C2CD3: variants seen among roughly 807,000 people sequenced by gnomAD.
C2CD3 encodes the protein C2 domain-containing protein 3.
In C2CD3, 148 loss-of-function variants were observed where a neutral mutation model predicts 234.0. The ratio of observed to expected loss-of-function variants is 0.63; its 90% CI spans 0.55 to 0.72. C2CD3 has a LOEUF of 0.72. Among genes scored for constraint, C2CD3 ranks in the 30% least tolerant of loss-of-function variants. C2CD3 has a pLI of 0.00. For missense variants in C2CD3, 2,577 were observed against 2,811.5 expected (o/e 0.92, Z 1.89); for synonymous variants, 1,000 against 1,035.4 (o/e 0.97, Z 0.66).
Position 74,049,522 on chromosome 11 carries a change from A to G in C2CD3, c.5176T>C (p.Phe1726Leu). Reference sequence around the variant, plus strand: ...AGTGGGGAGAGGTCCACCGAGGCAAAGCCAATCACCCTCTCCTCATCTGTA... The same window carrying G: ...AGTGGGGAGAGGTCCACCGAGGCAAGGCCAATCACCCTCTCCTCATCTGTA... ...HKGDEERVIG[F>L]ASVDLSPLLS... Residue 1726 changes from phenylalanine to leucine, a missense_variant, in exon 27 of 33, where the codon TTT (phenylalanine) becomes CTT (leucine). Transcript: ENST00000334126. 2 of 1,612,328 alleles carry G rather than the reference A, an allele frequency of 1.2e-6. No individual in the cohort carries two copies. Among genetic ancestry groups the G allele is most frequent in the South Asian group, 2.2e-5 (2 of 91,002 alleles).
intron 24 of C2CD3, among the ~76,000 whole-genome samples, chr11:74,069,760 G>A (rs1453156640): frequency 6.6e-6 from 1 of 152,036 alleles, no homozygotes; most frequent in Non-Finnish European, 1.5e-5. Context: ...CTCTCCCTTT[G>A]GCCTGGAGTG....
chr11:74,049,065 T>C lies in C2CD3; in HGVS notation c.5361+272A>G, dbSNP rs532050585. On this transcript the variant is annotated intron_variant, in intron 27 of 32. Transcript: ENST00000334126. Reference sequence around the variant, plus strand: ...CAGATTCTATATGACAACCTTGTTTTATTTGGAAACTGCGATATAATTAAT... The same window carrying C: ...CAGATTCTATATGACAACCTTGTTTCATTTGGAAACTGCGATATAATTAAT... Among the ~76,000 whole-genome samples the C allele has an allele frequency of 3.9e-5, 6 of 152,352 alleles. No individual in the cohort carries two copies. The East Asian group carries it at 9.6e-4, about 24-fold the overall frequency.
rs559712648 is a variant in C2CD3 at position 74,019,274 on chromosome 11, C to A, written c.6922-5749G>T. On this transcript the variant is annotated intron_variant, in intron 32 of 32. Coordinates refer to ENST00000334126, the MANE Select transcript of C2CD3 (RefSeq NM_001286577.2). ...CACCTGCCCAGCAGACCTATGAGCC[C>A]CTTCCTAAAAAGTGTCTGCCAACTT... 1.1e-4 allele frequency among the ~76,000 whole-genome samples: 16 copies of A among 152,190 alleles called. No homozygotes were observed. In the South Asian group the frequency reaches 3.3e-3, roughly 32 times the overall value.
intron 24 of C2CD3, among the ~76,000 whole-genome samples, chr11:74,073,363 G>A (rs963955224): frequency 5.9e-5 from 9 of 152,060 alleles, no homozygotes; most frequent in Admixed American, 2.0e-4. Context: ...GAGGTGGGTG[G>A]ATCACTTGCG....
intron 32 of C2CD3, among the ~76,000 whole-genome samples, chr11:74,015,711 C>T (rs892356085): frequency 1.3e-5 from 2 of 152,098 alleles, no homozygotes; most frequent in Non-Finnish European, 2.9e-5. Flanking sequence ...TTTAGAGAGA[C>T]TTAGATGAGT....
At chr11:74,015,666 GT>G (rs1951852707) in intron 32 of C2CD3, among the ~76,000 whole-genome samples, 1 of 152,136 alleles carries the variant, frequency 6.6e-6, no homozygotes, top group African/African-American at 2.4e-5. Context: ...CCAGGCATTT[GT>G]TTCCCCATTT....
In C2CD3 at chr11:74,078,470, C is replaced by T. The variant is rs1036306415; in HGVS notation, c.4248G>A (p.Leu1416=). 1 of 1,614,186 alleles carries T rather than the reference C, an allele frequency of 6.2e-7. No individual in the cohort carries two copies. Among genetic ancestry groups the T allele is most frequent in the South Asian group, 1.1e-5 (1 of 91,076 alleles). The change falls in exon 23 of 33, where the codon CTG becomes CTA. Residue 1416 remains leucine (L), a synonymous_variant. Transcript: ENST00000334126. ...TVTISTPRLW[L]PIHCVLLAGH... is the part of the protein sequence containing the mutation. ...CAGCAAGCAGCACACAATGGATGGG[C>T]AGCCACAGCCTTGGGGTGGAGATGG...
intron 14 of C2CD3, among the ~76,000 whole-genome samples, chr11:74,102,841 A>G (rs1359413128): frequency 6.6e-6 from 1 of 152,208 alleles, no homozygotes; most frequent in East Asian, 1.9e-4. Context: ...GGTTTAACTA[A>G]TCAAAGTCTT....
intron 25 of C2CD3, among the ~76,000 whole-genome samples, chr11:74,057,063 T>C (rs1015212395): frequency 2.0e-5 from 3 of 152,054 alleles, no homozygotes; most frequent in Non-Finnish European, 2.9e-5. Flanking sequence ...CAAACCCAGC[T>C]TGATGGTAAT....
chr11:74,113,950 T>G, intron 10 of C2CD3, 58 bp from the exon 11 acceptor site: 1 of 1,034,280 alleles, frequency 9.7e-7, no homozygotes, highest in Non-Finnish European at 1.4e-6. Flanking sequence ...AATTTCCGTC[T>G]GATAAATCCA....
chr11:74,168,717 T>G, intron 1 of C2CD3, 104 bp from the exon 2 acceptor site: 1 of 1,052,738 alleles, frequency 9.5e-7, no homozygotes, highest in South Asian at 1.6e-5. Context: ...AGTCTTAAGT[T>G]CAGCAATTTA....
chr11:74,152,483 G>T (rs943323127), intron 3 of C2CD3, among the ~76,000 whole-genome samples: 1 of 152,110 alleles, frequency 6.6e-6, no homozygotes, highest in Non-Finnish European at 1.5e-5. Context: ...TCAATTCTAC[G>T]TTAACTCTTC....
chr11:74,074,833 T>C (rs1954961518), intron 23 of C2CD3, among the ~76,000 whole-genome samples: 1 of 152,196 alleles, frequency 6.6e-6, no homozygotes, highest in South Asian at 2.1e-4. Context: ...ACACCTGTAA[T>C]CCCAGCACGT....
intron 24 of C2CD3, among the ~76,000 whole-genome samples, chr11:74,065,269 T>A (rs923045813): frequency 6.6e-6 from 1 of 152,248 alleles, no homozygotes; most frequent in East Asian, 1.9e-4. Flanking sequence ...GAACAGACAC[T>A]TCTCAAAAGA....
intron 3 of C2CD3, chr11:74,142,227 T>C (rs1458159299): frequency 6.6e-6 from 1 of 152,202 alleles, no homozygotes; most frequent in Non-Finnish European, 1.5e-5. Flanking sequence ...GCTGTATCCC[T>C]GGGGGTTACA....
chr11:74,019,494 C>T (rs1352732949), intron 32 of C2CD3, among the ~76,000 whole-genome samples: 3 of 152,194 alleles, frequency 2.0e-5, no homozygotes, highest in Non-Finnish European at 4.4e-5. Context: ...AGGTCAGGAC[C>T]TCTTGCCCCA....
In C2CD3 at chr11:74,057,453, C is replaced by A; in HGVS notation, c.5043G>T (p.Val1681=). 1 of 1,614,096 alleles carries A rather than the reference C, an allele frequency of 6.2e-7. No individual in the cohort carries two copies. The highest frequency in any genetic ancestry group is 8.5e-7 in the Non-Finnish European group (1 of 1,179,972). ...AGATGGGGGAATCTGTGTTTTCAAC[C>A]ACTTGGGTGTATACAGGAGATGACT... ...ADESSPVYTQ[V]VENTDSPIWN... The change falls in exon 25 of 33, where the codon GTG becomes GTT. Residue 1681 remains valine (V), a synonymous_variant. Coordinates refer to ENST00000334126, the MANE Select transcript of C2CD3 (RefSeq NM_001286577.2).
intron 20 of C2CD3, among the ~76,000 whole-genome samples, chr11:74,086,525 T>C (rs1955649528): frequency 6.6e-6 from 1 of 152,220 alleles, no homozygotes; most frequent in African/African-American, 2.4e-5. Context: ...CTTGTTTTTG[T>C]CTCACTTCAT....
At chr11:74,109,931 A>T (rs950502567) in intron 11 of C2CD3, among the ~76,000 whole-genome samples, 9 of 151,868 alleles carry the variant, frequency 5.9e-5, no homozygotes, top group African/African-American at 2.2e-4. Context: ...ACAAAAAAAA[A>T]TTAGCTGGGC....
Sources: gnomAD v4.1 joint callset for allele counts (sites outside exome capture counted in the v4.1 genomes callset) on GRCh38, gnomAD v4.1.1 for gene constraint, MANE v1.5 for transcripts, NCBI Gene and HGNC (gene_info 2026-07-23, HGNC 2026-07-21) for gene names.